Variants in SGMS1 observed in about 807,000 individuals in gnomAD.
SGMS1 encodes phosphatidylcholine:ceramide cholinephosphotransferase 1.
In SGMS1, 13 loss-of-function variants were observed where a neutral mutation model predicts 46.2. That is an observed-to-expected ratio of 0.28 (90% CI 0.18 to 0.45). The LOEUF is 0.45. Among genes scored for constraint, SGMS1 ranks in the 20% least tolerant of loss-of-function variants. SGMS1 has a pLI of 1.00. For missense variants in SGMS1, 324 were observed against 519.9 expected, an observed-to-expected ratio of 0.62 and a Z score of 3.66; for synonymous variants, 203 against 187.8, an observed-to-expected ratio of 1.08 and a Z score of -0.66.
chr10:50,312,337 TA>T (rs10591253), intron 8 of SGMS1, among the ~76,000 whole-genome samples: 44,931 of 134,960 alleles, frequency 0.33, 7,364 homozygotes, highest in African/African-American at 0.45. Flanking sequence ...TGTGAGAAAT[TA>T]AAAAAAAAAA....
chr10:50,371,505 A>G (rs1036464514), intron 6 of SGMS1, among the ~76,000 whole-genome samples: 7 of 152,242 alleles, frequency 4.6e-5, no homozygotes, highest in Non-Finnish European at 1.0e-4. Flanking sequence ...TTCATATTGT[A>G]CAAGACCATT....
At chr10:50,596,304 A>G (rs1000216804) in intron 1 of SGMS1, among the ~76,000 whole-genome samples, 2 of 151,932 alleles carry the variant, frequency 1.3e-5, no homozygotes, top group Non-Finnish European at 2.9e-5. Context: ...AGCCTCCCGA[A>G]TAGCTGGGAT....
At chr10:50,362,819 G>C (rs1292560969) in intron 6 of SGMS1, among the ~76,000 whole-genome samples, 1 of 152,148 alleles carries the variant, frequency 6.6e-6, no homozygotes, top group African/African-American at 2.4e-5. Context: ...CTTAAAGATA[G>C]ATGTGTTTAA....
At position 50,545,223 on chromosome 10, in the gene SGMS1, G is replaced by C. The variant is rs139529045; in HGVS notation, c.-588-25302C>G. ...CCTTAAGGTTCCTAGTGTCACAGAA[G>C]CATAGAACAAGTGACCATCCTTTAA... On this transcript the variant is annotated intron_variant, in intron 2 of 10. Coordinates refer to ENST00000361781, the MANE Select transcript of SGMS1 (RefSeq NM_147156.4). Among the ~76,000 whole-genome samples the C allele has an allele frequency of 1.1e-3, 164 of 152,264 alleles. 1 individual carries two copies. The highest frequency in any genetic ancestry group is 3.9e-3 in the African/African-American group (162 of 41,562).
intron 2 of SGMS1, among the ~76,000 whole-genome samples, chr10:50,524,632 A>C (rs1402425580): frequency 1.3e-5 from 2 of 152,216 alleles, no homozygotes; most frequent in African/African-American, 4.8e-5. Context: ...CTAAGTCTGT[A>C]AAGTAGGTGA....
At chr10:50,406,244 G>A (rs886885716) in intron 6 of SGMS1, among the ~76,000 whole-genome samples, 3 of 152,116 alleles carry the variant, frequency 2.0e-5, no homozygotes, top group Non-Finnish European at 4.4e-5. Flanking sequence ...GTTAATTTTT[G>A]TCTGTAGAAA....
rs10670074 is a variant in SGMS1 at position 50,465,848 on chromosome 10, C to CA, written c.-455+1041dup. On this transcript the variant is annotated intron_variant, in intron 4 of 10. Coordinates refer to ENST00000361781, the MANE Select transcript of SGMS1 (RefSeq NM_147156.4). ...AAAAGCATGAAACATTTTCCAGAGA[C>CA]AAAAAAAAAACAGTTCACAAACAAC... 1.6e-3 allele frequency among the ~76,000 whole-genome samples: 227 copies of CA among 142,016 alleles called. 1 individual carries two copies. The highest frequency in any genetic ancestry group is 2.8e-3 in the African/African-American group (108 of 38,742). The allele number at this position is 142,016 out of a possible 152,430, so 93.2% of individuals were successfully genotyped here.
intron 4 of SGMS1, among the ~76,000 whole-genome samples, chr10:50,464,731 G>A (rs1837309563): frequency 2.0e-5 from 3 of 152,188 alleles, no homozygotes. Context: ...ACTGCGCCTG[G>A]CCCGTTGATT....
At chr10:50,337,870 TA>T (rs1163407328) in intron 7 of SGMS1, among the ~76,000 whole-genome samples, 1 of 73,030 alleles carries the variant, frequency 1.4e-5, no homozygotes, top group Non-Finnish European at 3.0e-5. Context: ...AAGGTTAAAA[TA>T]CAAAAAAAAA....
At chr10:50,401,681 A>G (rs1362080785) in intron 6 of SGMS1, among the ~76,000 whole-genome samples, 1 of 152,260 alleles carries the variant, frequency 6.6e-6, no homozygotes, top group East Asian at 1.9e-4. Flanking sequence ...TACATGTTTT[A>G]CATTTGTCAC....
chr10:50,602,235 T>C (rs1239969336), intron 1 of SGMS1, among the ~76,000 whole-genome samples: 1 of 152,174 alleles, frequency 6.6e-6, no homozygotes, highest in African/African-American at 2.4e-5. Flanking sequence ...CCCTGCCCCA[T>C]CTCTGCTTCT....
chr10:50,435,967 G>A (rs541909061), intron 5 of SGMS1, among the ~76,000 whole-genome samples: 36 of 152,306 alleles, frequency 2.4e-4, no homozygotes, highest in Middle Eastern at 3.4e-3. Context: ...AAGAACACGT[G>A]TGTCATTACA....
intron 3 of SGMS1, among the ~76,000 whole-genome samples, chr10:50,471,818 A>AAAATGAGAGC (rs1837381092): frequency 6.6e-6 from 1 of 152,186 alleles, no homozygotes; most frequent in African/African-American, 2.4e-5. Flanking sequence ...AAAACCAAAC[A>AAAATGAGAGC]AAATGAGAGC....
chr10:50,420,032 C>G (rs922944243), intron 6 of SGMS1, among the ~76,000 whole-genome samples: 2 of 152,224 alleles, frequency 1.3e-5, no homozygotes, highest in African/African-American at 4.8e-5. Flanking sequence ...TGCTTCATCT[C>G]TCTCTGAGGA....
intron 6 of SGMS1, among the ~76,000 whole-genome samples, chr10:50,419,847 C>T (rs1200317464): frequency 6.6e-6 from 1 of 152,198 alleles, no homozygotes; most frequent in Non-Finnish European, 1.5e-5. Context: ...AGTCATTCCA[C>T]AGGCCAAGGT....
chr10:50,552,248 C>T (rs1367927912), intron 2 of SGMS1, among the ~76,000 whole-genome samples: 2 of 152,170 alleles, frequency 1.3e-5, no homozygotes, highest in African/African-American at 4.8e-5. Flanking sequence ...CAATTCCAAG[C>T]ATGTTTAAGA....
At chr10:50,497,654 C>T (rs1216121640) in intron 3 of SGMS1, among the ~76,000 whole-genome samples, 1 of 152,060 alleles carries the variant, frequency 6.6e-6, no homozygotes, top group Non-Finnish European at 1.5e-5. Flanking sequence ...ATTAGCCGGA[C>T]GTGGTGGTGC....
At chr10:50,411,769 T>G (rs1290591934) in intron 6 of SGMS1, among the ~76,000 whole-genome samples, 1 of 152,224 alleles carries the variant, frequency 6.6e-6, no homozygotes, top group Non-Finnish European at 1.5e-5. Flanking sequence ...TGCAATTTTG[T>G]ATCACCAGTT....
chr10:50,532,055 C>T (rs1414874517), intron 2 of SGMS1, among the ~76,000 whole-genome samples: 1 of 152,136 alleles, frequency 6.6e-6, no homozygotes, highest in African/African-American at 2.4e-5. Context: ...TGTTATAACA[C>T]TGATGAGAAG....
Sources: gnomAD v4.1 joint callset for allele counts (sites outside exome capture counted in the v4.1 genomes callset) on GRCh38, gnomAD v4.1.1 for gene constraint, MANE v1.5 for transcripts, NCBI Gene and HGNC (gene_info 2026-07-23, HGNC 2026-07-21) for gene names.